Variants in TNFSF13B observed in about 807,000 individuals in gnomAD.
The protein encoded by TNFSF13B is tumor necrosis factor ligand superfamily member 13B.
A neutral mutation model predicts 29.1 loss-of-function variants in TNFSF13B; 8 were observed. That is an observed-to-expected ratio of 0.27 (90% CI 0.16 to 0.50). The LOEUF (loss-of-function observed/expected upper bound fraction) is 0.50, where lower values mean the gene tolerates loss of function less well. Among genes scored for constraint, TNFSF13B ranks in the 20% least tolerant of loss-of-function variants. The pLI is 0.98. For synonymous variants in TNFSF13B, 125 were observed against 130.8 expected, an observed-to-expected ratio of 0.96 and a Z score of 0.30; for missense variants, 248 against 334.9, an observed-to-expected ratio of 0.74 and a Z score of 2.03.
At position 108,270,375 on chromosome 13, in the gene TNFSF13B, C is replaced by G. The variant is rs560582514; in HGVS notation, c.375C>G (p.Ser125=). Reference sequence around the variant, plus strand: ...CACCAGCTCCAGGAGAAGGCAACTCCAGTCAGAACAGCAGAAATAAGCGTG... The same window carrying G: ...CACCAGCTCCAGGAGAAGGCAACTCGAGTCAGAACAGCAGAAATAAGCGTG... The part of the protein sequence containing the change: ...FEPPAPGEGN[S]SQNSRNKRAV... The change falls in exon 2 of 6, where the codon TCC becomes TCG. Residue 125 remains serine (S), a synonymous_variant. Transcript: ENST00000375887. 5.6e-6 allele frequency: 9 copies of G among 1,614,146 alleles called. No individual in the cohort carries two copies. The highest frequency in any genetic ancestry group is 1.7e-4 in the Middle Eastern group (1 of 6,060).
chr13:108,273,500 A>C (rs1328066850), intron 2 of TNFSF13B, among the ~76,000 whole-genome samples: 2 of 152,224 alleles, frequency 1.3e-5, no homozygotes, highest in Non-Finnish European at 2.9e-5. Context: ...GGAAACAAAC[A>C]TAAACATGCA....
chr13:108,284,632 C>T (rs1881070856), intron 2 of TNFSF13B, among the ~76,000 whole-genome samples: 1 of 152,154 alleles, frequency 6.6e-6, no homozygotes. Context: ...GTGTCATTTA[C>T]TCTTTACAAT....
In TNFSF13B at chr13:108,296,135, A is replaced by G. The variant is rs1248611433; in HGVS notation, c.482-7118A>G. On this transcript the variant is annotated intron_variant, in intron 3 of 5. Coordinates refer to ENST00000375887, the MANE Select transcript of TNFSF13B (RefSeq NM_006573.5). ...TTAGTTTACAGTGTTGTTCAAGTTC[A>G]CTATTGCCTTATTGATCTCTTACCT... Among the ~76,000 whole-genome samples the G allele has an allele frequency of 1.4e-5, 2 of 145,496 alleles. 1 individual carries two copies. The highest frequency in any genetic ancestry group is 3.1e-5 in the Non-Finnish European group (2 of 65,504).
At chr13:108,304,471 A>G (rs1881715203) in intron 5 of TNFSF13B, among the ~76,000 whole-genome samples, 1 of 152,190 alleles carries the variant, frequency 6.6e-6, no homozygotes, top group Admixed American at 6.5e-5. Flanking sequence ...AGAGCACGGC[A>G]GATCTTGTAA....
intron 3 of TNFSF13B, among the ~76,000 whole-genome samples, chr13:108,289,300 TGA>T (rs1322413073): frequency 6.6e-6 from 1 of 151,818 alleles, no homozygotes; most frequent in African/African-American, 2.4e-5. Flanking sequence ...TGAACTGGGG[TGA>T]TTACCTGGGA....
At chr13:108,281,350 C>CA (rs575651376) in intron 2 of TNFSF13B, among the ~76,000 whole-genome samples, 230 of 152,260 alleles carry the variant, frequency 1.5e-3, no homozygotes, top group Middle Eastern at 0.01. Flanking sequence ...CACCCGCTTC[C>CA]AAAAAATACC....
intron 3 of TNFSF13B, among the ~76,000 whole-genome samples, chr13:108,300,859 C>G (rs1881602580): frequency 6.6e-6 from 1 of 152,188 alleles, no homozygotes; most frequent in Non-Finnish European, 1.5e-5. Flanking sequence ...TGAAGAAGAC[C>G]TGGGAAGTTT....
At chr13:108,291,046 T>C (rs1414848816) in intron 3 of TNFSF13B, among the ~76,000 whole-genome samples, 1 of 151,936 alleles carries the variant, frequency 6.6e-6, no homozygotes, top group Non-Finnish European at 1.5e-5. Flanking sequence ...TTAAATTCCA[T>C]GTTTAGTCTA....
intron 5 of TNFSF13B, among the ~76,000 whole-genome samples, chr13:108,304,692 A>G (rs1881721867): frequency 6.6e-6 from 1 of 152,180 alleles, no homozygotes; most frequent in Non-Finnish European, 1.5e-5. Flanking sequence ...ACAGGAACGG[A>G]GGCTGGCTAT....
chr13:108,282,891 TAATTCCTTTC>T (rs1188868316), intron 2 of TNFSF13B, among the ~76,000 whole-genome samples: 8 of 152,208 alleles, frequency 5.3e-5, no homozygotes, highest in Non-Finnish European at 1.5e-5. Context: ...ACCTCTTGTG[TAATTCCTTTC>T]AATTGTAGTA....
rs944332006 is a variant in TNFSF13B at position 108,287,509 on chromosome 13, G to A, written c.481+650G>A. 3.3e-5 allele frequency among the ~76,000 whole-genome samples: 5 copies of A among 152,120 alleles called. No homozygotes were observed. The East Asian group carries it at 5.8e-4, about 18-fold the overall frequency. ...ATAAGGAGAATGACCTTAGAGGCAC[G>A]AATACTTAGAAATGTTAAATAATTA... On this transcript the variant is annotated intron_variant, in intron 3 of 5. Coordinates refer to ENST00000375887, the MANE Select transcript of TNFSF13B (RefSeq NM_006573.5).
intron 2 of TNFSF13B, among the ~76,000 whole-genome samples, chr13:108,284,209 G>C (rs1303683199): frequency 6.6e-6 from 1 of 152,168 alleles, no homozygotes; most frequent in Non-Finnish European, 1.5e-5. Context: ...GGCACCTGTA[G>C]TCCCAGCTAC....
chr13:108,273,468 G>A (rs976108677), intron 2 of TNFSF13B, among the ~76,000 whole-genome samples: 3 of 152,124 alleles, frequency 2.0e-5, no homozygotes, highest in South Asian at 4.2e-4. Flanking sequence ...TGTACATAGC[G>A]CCCTTTGTAG....
chr13:108,293,851 CA>C (rs1456980791), intron 3 of TNFSF13B, among the ~76,000 whole-genome samples: 1 of 152,172 alleles, frequency 6.6e-6, no homozygotes, highest in East Asian at 1.9e-4. Flanking sequence ...TGGCTGAGAA[CA>C]GAGACAAAAG....
chr13:108,301,515 G>A (rs1022194448), intron 3 of TNFSF13B, among the ~76,000 whole-genome samples: 1 of 152,148 alleles, frequency 6.6e-6, no homozygotes, highest in Non-Finnish European at 1.5e-5. Context: ...GAACTTGGGG[G>A]ACATTATAAC....
In TNFSF13B at chr13:108,307,448, T is replaced by C. The variant is rs1881811765; in HGVS notation, c.*510T>C. ...AAGTAAAAAATGAAAATTTTAGAAA[T>C]CTTGCATTAGACACATGAAAAAATA... On this transcript the variant is annotated 3_prime_UTR_variant, in exon 6 of 6. Coordinates refer to ENST00000375887, the MANE Select transcript of TNFSF13B (RefSeq NM_006573.5). The C allele has an allele frequency of 6.6e-6, 1 of 152,160 alleles. No homozygotes were observed. Among genetic ancestry groups the C allele is most frequent in the South Asian group, 2.1e-4 (1 of 4,836 alleles). The allele number at this position is 152,160 out of a possible 1,614,324, so 9.4% of individuals were successfully genotyped here.
intron 2 of TNFSF13B, among the ~76,000 whole-genome samples, chr13:108,273,298 A>G (rs1465769619): frequency 6.6e-6 from 1 of 152,196 alleles, no homozygotes; most frequent in Non-Finnish European, 1.5e-5. Flanking sequence ...GAAAAAACTC[A>G]TGGAAGAACT....
intron 2 of TNFSF13B, 123 bp from the exon 3 acceptor site, chr13:108,286,680 G>A (rs1881146403): frequency 2.1e-6 from 1 of 486,052 alleles, no homozygotes; most frequent in Non-Finnish European, 3.9e-6. Flanking sequence ...ATAATGTCAT[G>A]CAATCAATGT....
intron 5 of TNFSF13B, among the ~76,000 whole-genome samples, chr13:108,304,613 T>C (rs774528375): frequency 2.2e-4 from 33 of 152,186 alleles, no homozygotes; most frequent in Admixed American, 9.2e-4. Context: ...TCTGTTGATT[T>C]TGTAAAAATC....
Sources: allele counts gnomAD v4.1 joint callset (sites outside exome capture counted in the v4.1 genomes callset), GRCh38; gene constraint gnomAD v4.1.1; transcripts MANE v1.5; gene names NCBI Gene and HGNC (gene_info 2026-07-23, HGNC 2026-07-21).